LOXHD1: variants seen among roughly 807,000 people sequenced by gnomAD.
The protein encoded by LOXHD1 is lipoxygenase homology PLAT domains 1, also known as lipoxygenase homology domain-containing protein 1.
In LOXHD1, 205 loss-of-function variants were observed where a neutral mutation model predicts 248.2. The ratio of observed to expected loss-of-function variants is 0.83; its 90% CI spans 0.74 to 0.93. The LOEUF (loss-of-function observed/expected upper bound fraction) is 0.93, where lower values mean the gene tolerates loss of function less well. Ranked by LOEUF, LOXHD1 falls within the 40% of genes least tolerant of loss-of-function variation. LOXHD1 has a pLI of 0.00. For synonymous variants in LOXHD1, 1,113 were observed against 1,162.8 expected, an observed-to-expected ratio of 0.96 and a Z score of 0.87; for missense variants, 2,930 against 2,971.6, an observed-to-expected ratio of 0.99 and a Z score of 0.33.
rs1198947482 is a variant in LOXHD1 at position 46,569,633 on chromosome 18, GA to G, written c.2052del (p.Arg685AlafsTer6). On this transcript the variant is annotated frameshift_variant, in exon 16 of 41. Transcript: ENST00000642948. LOFTEE classifies it high-confidence loss of function. Reference sequence around the variant, plus strand: ...CCAGTCTTCAAGCTGATGTGATAGCGAAAGTCTGAACAGCCCAAGGCAGAGG... The same window carrying G: ...CCAGTCTTCAAGCTGATGTGATAGCGAAGTCTGAACAGCCCAAGGCAGAGG... ...PSDSSATLKN[F>X]RYHISLKTGD... 5 of 1,550,608 alleles carry G rather than the reference GA, an allele frequency of 3.2e-6. No individual in the cohort carries two copies. The highest frequency in any genetic ancestry group is 4.4e-6 in the Non-Finnish European group (5 of 1,146,170).
intron 1 of LOXHD1, among the ~76,000 whole-genome samples, chr18:46,653,246 C>CA (rs1402080870): frequency 6.6e-6 from 1 of 150,938 alleles, no homozygotes; most frequent in African/African-American, 2.4e-5. Context: ...GACTCCATCT[C>CA]AAAAAAAAAG....
In LOXHD1 at chr18:46,566,403, C is replaced by T. The variant is rs752532078; in HGVS notation, c.2291G>A (p.Ser764Asn). ...IGHDSTGMHA[S>N]WFLGSVQIRV... ...GATCTGAACGCTGCCCAGGAACCAG[C>T]TGGCATGCATGCCAGTGCTGTCATG... Residue 764 changes from serine to asparagine, a missense_variant, in exon 17 of 41, where the codon AGC becomes AAC. By Grantham distance (46) the Ser-to-Asn change is conservative. Transcript: ENST00000642948. The T allele has an allele frequency of 1.9e-6, 3 of 1,551,398 alleles. No homozygotes were observed. The South Asian group carries it at 3.6e-5, about 18-fold the overall frequency.
intron 25 of LOXHD1, among the ~76,000 whole-genome samples, chr18:46,538,847 T>C (rs1448592726): frequency 6.6e-6 from 1 of 152,188 alleles, no homozygotes; most frequent in African/African-American, 2.4e-5. Context: ...CTCTTCTCCG[T>C]ATCCCCTGCT....
chr18:46,567,733 T>C (rs1294055063), intron 16 of LOXHD1, among the ~76,000 whole-genome samples: 2 of 152,218 alleles, frequency 1.3e-5, no homozygotes, highest in Non-Finnish European at 2.9e-5. Context: ...AGCAACCCCA[T>C]TAGTATCTCA....
chr18:46,625,877 A>G (rs1481322332), intron 4 of LOXHD1, among the ~76,000 whole-genome samples: 3 of 152,054 alleles, frequency 2.0e-5, no homozygotes, highest in African/African-American at 7.2e-5. Flanking sequence ...ATCCACCTGC[A>G]CATTTCGATA....
At chr18:46,479,108 T>C (rs1053384574) in intron 40 of LOXHD1, among the ~76,000 whole-genome samples, 2 of 152,102 alleles carry the variant, frequency 1.3e-5, no homozygotes, top group African/African-American at 4.8e-5. Flanking sequence ...TGTTGTCACC[T>C]TTAGAGGGAG....
At chr18:46,519,222 G>T in intron 33 of LOXHD1, 1 of 393,614 alleles carries the variant, frequency 2.5e-6, no homozygotes, top group Non-Finnish European at 3.5e-6. Flanking sequence ...TCAGACACAC[G>T]GTTGGGGAAG....
At chr18:46,578,603 G>T (rs888003584) in intron 13 of LOXHD1, among the ~76,000 whole-genome samples, 2 of 152,210 alleles carry the variant, frequency 1.3e-5, no homozygotes, top group Non-Finnish European at 2.9e-5. Flanking sequence ...GAGCCAGCCT[G>T]GATTGGCCTC....
At position 46,491,464 on chromosome 18, in the gene LOXHD1, C is replaced by T. The variant is rs149058861; in HGVS notation, c.5879-2322G>A. Among the ~76,000 whole-genome samples the T allele has an allele frequency of 1.8e-4, 27 of 152,286 alleles. No homozygotes were observed. The South Asian group carries it at 2.5e-3, about 14-fold the overall frequency. On this transcript the variant is annotated intron_variant, in intron 37 of 40. Coordinates refer to ENST00000642948, the MANE Select transcript of LOXHD1 (RefSeq NM_001384474.1). ...GAGGTCAACGCTGCTGGTCCTAGAG[C>T]GACACCTTGAGAACTACTGATTCAA...
At chr18:46,555,396 C>T in intron 21 of LOXHD1, 7 of 268,430 alleles carry the variant, frequency 2.6e-5, no homozygotes, top group South Asian at 1.1e-4. Context: ...GTCCTACGGT[C>T]TTTATGTGGT....
chr18:46,533,011 T>C (rs1452666826), intron 28 of LOXHD1, 151 bp downstream of exon 28: 5 of 767,680 alleles, frequency 6.5e-6, no homozygotes, highest in Non-Finnish European at 1.0e-5. Flanking sequence ...ATGCAACCTC[T>C]GTGAGCCTCA....
At chr18:46,640,154 C>T (rs1421257680) in intron 3 of LOXHD1, among the ~76,000 whole-genome samples, 1 of 152,122 alleles carries the variant, frequency 6.6e-6, no homozygotes, top group Non-Finnish European at 1.5e-5. Context: ...AGCAGTGAGC[C>T]TCTCCCACTC....
At chr18:46,564,084 G>A (rs1243906992) in intron 17 of LOXHD1, among the ~76,000 whole-genome samples, 2 of 136,656 alleles carry the variant, frequency 1.5e-5, no homozygotes, top group African/African-American at 5.8e-5. Flanking sequence ...GAAGGAGGGG[G>A]AGAGAGAGAG....
intron 29 of LOXHD1, among the ~76,000 whole-genome samples, chr18:46,527,422 G>C (rs986190492): frequency 6.6e-6 from 1 of 152,236 alleles, no homozygotes; most frequent in Non-Finnish European, 1.5e-5. Context: ...CTGCCTGCCA[G>C]ACATGGTTCT....
chr18:46,641,122 C>T (rs2038957987), intron 3 of LOXHD1, among the ~76,000 whole-genome samples: 3 of 152,216 alleles, frequency 2.0e-5, no homozygotes, highest in Admixed American at 6.5e-5. Context: ...TGCTCGTAAC[C>T]TCCTTCCCTA....
At chr18:46,613,623 CT>C (rs988871784) in intron 5 of LOXHD1, among the ~76,000 whole-genome samples, 1 of 152,016 alleles carries the variant, frequency 6.6e-6, no homozygotes, top group Admixed American at 6.5e-5. Flanking sequence ...TGGACTATTT[CT>C]TTTGTTTCTG....
chr18:46,524,959 C>T (rs1268820519), intron 29 of LOXHD1, 42 bp from the exon 30 acceptor site: 1 of 1,542,130 alleles, frequency 6.5e-7, no homozygotes, highest in Non-Finnish European at 8.8e-7. Flanking sequence ...GGGTGTGCCA[C>T]CCACTCAACC....
chr18:46,502,873 T>A (rs558204697), intron 37 of LOXHD1, among the ~76,000 whole-genome samples: 4 of 152,196 alleles, frequency 2.6e-5, no homozygotes, highest in Non-Finnish European at 5.9e-5. Flanking sequence ...GTGCTTCTGG[T>A]CTCATAGTGA....
chr18:46,545,798 T>G (rs1283403347), intron 22 of LOXHD1, among the ~76,000 whole-genome samples: 1 of 150,386 alleles, frequency 6.6e-6, no homozygotes. Flanking sequence ...CCCGGCTAAT[T>G]TTTTGTATTT....
Sources: gnomAD v4.1 joint callset for allele counts (sites outside exome capture counted in the v4.1 genomes callset) on GRCh38, gnomAD v4.1.1 for gene constraint, MANE v1.5 for transcripts, NCBI Gene and HGNC (gene_info 2026-07-23, HGNC 2026-07-21) for gene names.